The following ULK1 variants were observed in gnomAD, a reference collection of about 807,000 sequenced individuals.
ULK1 encodes unc-51 like autophagy activating kinase 1.
In ULK1, 48 loss-of-function variants were observed where a neutral mutation model predicts 117.5. That is an observed-to-expected ratio of 0.41 (90% CI 0.32 to 0.52). The LOEUF is 0.52. Ranked by LOEUF, ULK1 falls within the 20% of genes least tolerant of loss-of-function variation. The pLI is 0.29. For synonymous variants in ULK1, 790 were observed against 637.8 expected, an observed-to-expected ratio of 1.24 and a Z score of -3.60; for missense variants, 1,387 against 1,473.4, an observed-to-expected ratio of 0.94 and a Z score of 0.96.
Position 131,909,850 on chromosome 12 carries a change from C to T in ULK1, c.725+17C>T, listed in dbSNP as rs754615203. The T allele has an allele frequency of 1.9e-6, 3 of 1,610,530 alleles. No homozygotes were observed. Among genetic ancestry groups the T allele is most frequent in the Non-Finnish European group, 2.5e-6 (3 of 1,178,698 alleles). On this transcript the variant is annotated intron_variant, in intron 9 of 27. Coordinates refer to ENST00000321867, the MANE Select transcript of ULK1 (RefSeq NM_003565.4). ...GGTCCCCACGTAAGCACCCTCCCGC[C>T]TTCCCTTCCCTTCCCCCGCGGGCTC...
At position 131,902,768 on chromosome 12, in the gene ULK1, C is replaced by T. The variant is rs546999748; in HGVS notation, c.247-4124C>T. Reference sequence around the variant, plus strand: ...GTGGCCACAACTGTGTGTGTCACCACGGGACGGACCCCCGGACCCTGTCTT... The same window carrying T: ...GTGGCCACAACTGTGTGTGTCACCATGGGACGGACCCCCGGACCCTGTCTT... On this transcript the variant is annotated intron_variant, in intron 3 of 27. Coordinates refer to ENST00000321867, the MANE Select transcript of ULK1 (RefSeq NM_003565.4). This position sits in a 1 kb window ranked among gnomAD's most constrained non-coding sequence, Gnocchi z 6.3. Among the ~76,000 whole-genome samples, 8 of 152,164 alleles carry T rather than the reference C, an allele frequency of 5.3e-5. No individual in the cohort carries two copies. The East Asian group carries it at 1.6e-3, about 30-fold the overall frequency.
In ULK1 at chr12:131,916,129, C is replaced by A; in HGVS notation, c.1848C>A (p.Pro616=). The A allele has an allele frequency of 6.2e-7, 1 of 1,612,548 alleles. No individual in the cohort carries two copies. The highest frequency in any genetic ancestry group is 8.5e-7 in the Non-Finnish European group (1 of 1,179,838). ...TGCCCGACTTCCTGCAGCGAAACCCCCTGCCCCCCATCCTGGGCTCCCCCA... is the reference window on the plus strand; with the variant it reads ...TGCCCGACTTCCTGCAGCGAAACCCACTGCCCCCCATCCTGGGCTCCCCCA... The part of the protein sequence containing the change: ...PKLPDFLQRN[P]LPPILGSPTK... Residue 616 remains proline (P), a synonymous_variant, in exon 19 of 28, where the codon CCC becomes CCA. Coordinates refer to ENST00000321867, the MANE Select transcript of ULK1 (RefSeq NM_003565.4).
intron 4 of ULK1, 139 bp from the exon 5 acceptor site, chr12:131,907,356 G>A (rs1372028629): frequency 2.1e-5 from 22 of 1,044,086 alleles, no homozygotes; most frequent in Non-Finnish European, 2.6e-5. Context: ...AGGGACTGTG[G>A]GGACACCTGC....
At chr12:131,904,698 A>T (rs866486802) in intron 3 of ULK1, among the ~76,000 whole-genome samples, 1 of 151,986 alleles carries the variant, frequency 6.6e-6, no homozygotes, top group Admixed American at 6.6e-5. Context: ...AGCTCTGATG[A>T]GCAGGTCAGG....
intron 3 of ULK1, among the ~76,000 whole-genome samples, chr12:131,898,469 T>C (rs1490202173): frequency 6.6e-6 from 1 of 152,152 alleles, no homozygotes; most frequent in Non-Finnish European, 1.5e-5. Context: ...GTGGCTCATG[T>C]GAGAAGTAGA....
chr12:131,901,492 C>A (rs1326789951), intron 3 of ULK1, among the ~76,000 whole-genome samples: 1 of 152,240 alleles, frequency 6.6e-6, no homozygotes, highest in Non-Finnish European at 1.5e-5. Context: ...GGGCCGCTCT[C>A]CTCCCTCCTA....
At position 131,921,768 on chromosome 12, in the gene ULK1, C is replaced by CT. The variant is rs1303653341; in HGVS notation, c.*408dup. 9.6e-6 allele frequency: 5 copies of CT among 522,142 alleles called. No homozygotes were observed. The highest frequency in any genetic ancestry group is 1.9e-5 in the Non-Finnish European group (5 of 270,176). The allele number at this position is 522,142 out of a possible 1,614,324, so 32.3% of individuals were successfully genotyped here. A position where few individuals can be genotyped will look rare whatever the true frequency, so the allele number is the denominator to read the frequency against. Reference sequence around the variant, plus strand: ...ACTGTGCCCAGGAAGAGCCTGCGGCCTCGGCGTCCCCCAGTCTCCAGGAGC... The same window carrying CT: ...ACTGTGCCCAGGAAGAGCCTGCGGCCTTCGGCGTCCCCCAGTCTCCAGGAGC... On this transcript the variant is annotated 3_prime_UTR_variant, in exon 28 of 28. Transcript: ENST00000321867.
intron 23 of ULK1, 26 bp downstream of exon 23, chr12:131,918,707 C>A: frequency 8.7e-7 from 1 of 1,143,012 alleles, no homozygotes; most frequent in South Asian, 1.6e-5. Flanking sequence ...AGCAAAGGTT[C>A]CCATTCTGGC....
rs185454474 is a variant in ULK1 at position 131,919,523 on chromosome 12, C to T, written c.2736C>T (p.Ser912=). 1.1e-4 allele frequency: 184 copies of T among 1,612,176 alleles called. 1 individual carries two copies. The highest frequency in any genetic ancestry group is 3.3e-4 in the Middle Eastern group (2 of 6,058). ...LYLKVAELLS[S]GLQSAIDQIR... ...TGAAGGTGGCCGAGCTACTGTCCTC[C>T]GGCCTGCAAAGTGCCATCGACCAGA... The change falls in exon 25 of 28, where the codon TCC becomes TCT. Residue 912 remains serine, a synonymous_variant. Transcript: ENST00000321867.
At chr12:131,898,085 T>C (rs1367427026) in intron 3 of ULK1, 1 of 152,230 alleles carries the variant, frequency 6.6e-6, no homozygotes, top group Non-Finnish European at 1.5e-5. Context: ...GCACGGGCTG[T>C]GAGGGCTGTG....
At chr12:131,911,221 G>A (rs970879005) in intron 12 of ULK1, among the ~76,000 whole-genome samples, 2 of 152,182 alleles carry the variant, frequency 1.3e-5, no homozygotes, top group African/African-American at 2.4e-5. Context: ...CACCTGAGTC[G>A]GCCATGAACC....
chr12:131,911,501 G>T (rs934265273), intron 12 of ULK1, among the ~76,000 whole-genome samples: 3 of 152,234 alleles, frequency 2.0e-5, no homozygotes, highest in Non-Finnish European at 4.4e-5. Flanking sequence ...CGGATGGTGT[G>T]CCCTGGGCCT....
chr12:131,911,961 A>C lies in ULK1; in HGVS notation c.968A>C (p.Gln323Pro). Residue 323 changes from glutamine (Q) to proline (P), a missense_variant, in exon 13 of 28, where the codon CAG becomes CCG. Transcript: ENST00000321867. ...TCTCAGTCCCTGGGCGAGATGCAGCAGCTGCAGAAGACCCTGGCCTCCCCG... is the reference window on the plus strand; with the variant it reads ...TCTCAGTCCCTGGGCGAGATGCAGCCGCTGCAGAAGACCCTGGCCTCCCCG... ...ASPPSLGEMQ[Q>P]LQKTLASPAD... The C allele has an allele frequency of 6.2e-7, 1 of 1,612,838 alleles. No homozygotes were observed. Among genetic ancestry groups the C allele is most frequent in the Non-Finnish European group, 8.5e-7 (1 of 1,179,970 alleles).
chr12:131,921,581 A>C lies in ULK1; in HGVS notation c.*220A>C. On this transcript the variant is annotated 3_prime_UTR_variant, in exon 28 of 28. Transcript: ENST00000321867. Reference sequence around the variant, plus strand: ...TTGGGGGGTGTCTCCCATCTTTTACAGGTGGGGATCACAGAATTTCTGCCC... The same window carrying C: ...TTGGGGGGTGTCTCCCATCTTTTACCGGTGGGGATCACAGAATTTCTGCCC... The C allele has an allele frequency of 1.5e-6, 1 of 680,042 alleles. No individual in the cohort carries two copies. Among genetic ancestry groups the C allele is most frequent in the Non-Finnish European group, 2.5e-6 (1 of 403,520 alleles). 42.1% of individuals were successfully genotyped at this position (680,042 alleles called of 1,614,324 possible).
rs1889411227 is a variant in ULK1, at chr12:131,909,199, A to G, written c.628A>G (p.Ile210Val). The change falls in exon 8 of 28, where the codon ATC (isoleucine) becomes GTC (valine). Residue 210 changes from isoleucine (I) to valine (V), a missense_variant. Ile to Val is a conservative substitution (Grantham distance 29). Transcript: ENST00000321867. Reference sequence around the variant, plus strand: ...GGCGGACCTGTGGAGCATCGGCACCATCGTCTACCAGTGCCTGACGGGGAA... The same window carrying G: ...GGCGGACCTGTGGAGCATCGGCACCGTCGTCTACCAGTGCCTGACGGGGAA... ...GKADLWSIGT[I>V]VYQCLTGKAP... 2 of 1,609,536 alleles carry G rather than the reference A, an allele frequency of 1.2e-6. No homozygotes were observed. Among genetic ancestry groups the G allele is most frequent in the Non-Finnish European group, 1.7e-6 (2 of 1,178,516 alleles).
chr12:131,913,740 C>T lies in ULK1; in HGVS notation c.1158-7C>T, dbSNP rs1889647391. On this transcript the variant is annotated splice_polypyrimidine_tract_variant and splice_region_variant and intron_variant, in intron 14 of 27. Coordinates refer to ENST00000321867, the MANE Select transcript of ULK1 (RefSeq NM_003565.4). The stretch of plus-strand genomic sequence containing the variant: ...AAAATGCCCTTGGCCTCCCTTCTGC[C>T]CCACAGGAGCTCACTGGTGGCCTCT... 2 of 1,513,682 alleles carry T rather than the reference C, an allele frequency of 1.3e-6. No individual in the cohort carries two copies. Among genetic ancestry groups the T allele is most frequent in the Non-Finnish European group, 1.8e-6 (2 of 1,131,406 alleles). The allele number at this position is 1,513,682 out of a possible 1,614,324, so 93.8% of individuals were successfully genotyped here. A position where few individuals can be genotyped will look rare whatever the true frequency, so the allele number is the denominator to read the frequency against.
rs902339308 is a variant in ULK1 at position 131,903,545 on chromosome 12, C to T, written c.247-3347C>T. On this transcript the variant is annotated intron_variant, in intron 3 of 27. Coordinates refer to ENST00000321867, the MANE Select transcript of ULK1 (RefSeq NM_003565.4). The surrounding 1 kb of genome is among the most constrained non-coding windows in gnomAD (Gnocchi z 6.0). ...GGAAAGGCCCTGGTGTGCCCCGATG[C>T]CCAGCTCAGGGAGTTGGATGCCCAC... Among the ~76,000 whole-genome samples the T allele has an allele frequency of 1.3e-5, 2 of 152,134 alleles. No homozygotes were observed. The highest frequency in any genetic ancestry group is 2.4e-5 in the African/African-American group (1 of 41,420).
At chr12:131,919,880 G>C in intron 25 of ULK1, 99 bp from the exon 26 acceptor site, 1 of 1,487,354 alleles carries the variant, frequency 6.7e-7, no homozygotes, top group Non-Finnish European at 9.1e-7. Context: ...TGGCAGGGAG[G>C]GAGGGACGTG....
At chr12:131,918,939 AGGG>A (rs1890014921) in intron 23 of ULK1, among the ~76,000 whole-genome samples, 1 of 12,878 alleles carries the variant, frequency 7.8e-5, no homozygotes, top group Non-Finnish European at 1.9e-4. Context: ...TGTGGGGTGC[AGGG>A]TGTGTGGGGT....
Sources: gnomAD v4.1 joint callset for allele counts (sites outside exome capture counted in the v4.1 genomes callset) on GRCh38, gnomAD v4.1.1 for gene constraint, Gnocchi (gnomAD v3.1) non-coding constraint, MANE v1.5 for transcripts, NCBI Gene and HGNC (gene_info 2026-07-23, HGNC 2026-07-21) for gene names.